Variants in ANO2 observed in about 807,000 individuals in gnomAD.
ANO2 encodes the protein anoctamin-2.
In ANO2, 101 loss-of-function variants were observed where a neutral mutation model predicts 124.2. The ratio of observed to expected loss-of-function variants is 0.81; its 90% CI spans 0.69 to 0.96. The LOEUF (loss-of-function observed/expected upper bound fraction) is 0.96. Among genes scored for constraint, ANO2 ranks in the 40% least tolerant of loss-of-function variants. ANO2 has a pLI of 0.00. For synonymous variants in ANO2, 486 were observed against 482.5 expected (o/e 1.01, Z -0.09); for missense variants, 1,293 against 1,274.5 (o/e 1.01, Z -0.22).
intron 3 of ANO2, among the ~76,000 whole-genome samples, chr12:5,869,883 T>C (rs12309811): frequency 0.049 from 7,457 of 152,178 alleles, 620 homozygotes; most frequent in African/African-American, 0.17. Flanking sequence ...TATAACTCGT[T>C]CTCAGGAAAC....
At chr12:5,568,136 CTTT>C (rs71445654) in intron 23 of ANO2, among the ~76,000 whole-genome samples, 7 of 112,752 alleles carry the variant, frequency 6.2e-5, no homozygotes, top group Admixed American at 9.5e-5. Flanking sequence ...CCACCCTATG[CTTT>C]TTTTTTTTTT....
intron 19 of ANO2, among the ~76,000 whole-genome samples, chr12:5,610,989 T>TTTGCTTTTTTTTTTGTTTTTTTA (rs1944520759): frequency 2.1e-5 from 3 of 141,582 alleles, no homozygotes; most frequent in South Asian, 2.1e-4. Flanking sequence ...TTTTTTTTTT[T>TTTGCTTTTTTTTTTGTTTTTTTA]GAGACAGAGT....
chr12:5,893,732 C>T (rs2136274597), intron 3 of ANO2, among the ~76,000 whole-genome samples: 1 of 151,598 alleles, frequency 6.6e-6, no homozygotes, highest in Non-Finnish European at 1.5e-5. Flanking sequence ...TGAGTGAGAA[C>T]ACGTGGTGTT....
chr12:5,715,830 T>C (rs1470623714), intron 14 of ANO2, among the ~76,000 whole-genome samples: 1 of 152,208 alleles, frequency 6.6e-6, no homozygotes, highest in East Asian at 1.9e-4. Flanking sequence ...ATCCACCTGA[T>C]ATAATGCTCC....
chr12:5,694,517 G>A (rs1031908697), intron 14 of ANO2, among the ~76,000 whole-genome samples: 1 of 152,100 alleles, frequency 6.6e-6, no homozygotes, highest in Admixed American at 6.6e-5. Context: ...AAGTTTCAAG[G>A]AACCAGATTT....
At chr12:5,663,791 C>T (rs918895361) in intron 14 of ANO2, among the ~76,000 whole-genome samples, 1 of 152,210 alleles carries the variant, frequency 6.6e-6, no homozygotes, top group African/African-American at 2.4e-5. Context: ...GGTTAAGATA[C>T]ACTGATAGGC....
intron 7 of ANO2, among the ~76,000 whole-genome samples, chr12:5,815,838 G>A (rs1006671569): frequency 6.6e-6 from 1 of 151,926 alleles, no homozygotes; most frequent in African/African-American, 2.4e-5. Context: ...GAACAAGGCA[G>A]GAATATAAAT....
At chr12:5,861,523 C>T (rs1955269718) in intron 3 of ANO2, among the ~76,000 whole-genome samples, 1 of 152,188 alleles carries the variant, frequency 6.6e-6, no homozygotes, top group African/African-American at 2.4e-5. Context: ...GAGCGGGAGG[C>T]AGCCCCAGCC....
At chr12:5,715,877 C>T (rs1591977650) in intron 14 of ANO2, among the ~76,000 whole-genome samples, 1 of 152,118 alleles carries the variant, frequency 6.6e-6, no homozygotes, top group Non-Finnish European at 1.5e-5. Context: ...AACATAAGCA[C>T]AAGTATGTTC....
intron 14 of ANO2, among the ~76,000 whole-genome samples, chr12:5,712,410 G>C (rs544601461): frequency 6.6e-6 from 1 of 152,186 alleles, no homozygotes; most frequent in South Asian, 2.1e-4. Context: ...GGGGAGAAGA[G>C]ACAGATACAG....
rs190539251 is a variant in ANO2 at position 5,747,599 on chromosome 12, C to T, written c.1190+3237G>A. Among the ~76,000 whole-genome samples the T allele has an allele frequency of 7.2e-5, 11 of 152,268 alleles. No individual in the cohort carries two copies. In the East Asian group the frequency reaches 1.4e-3, roughly 19 times the overall value. On this transcript the variant is annotated intron_variant, in intron 11 of 24. Coordinates refer to ENST00000682330, the MANE Select transcript of ANO2 (RefSeq NM_001364791.2). ...ACCTCAATTTTGTAGTAATTTTAAA[C>T]GTTTTTGACTGTGACCTACAGTTAA...
intron 14 of ANO2, among the ~76,000 whole-genome samples, chr12:5,689,407 G>A (rs1948840077): frequency 6.6e-6 from 1 of 152,112 alleles, no homozygotes; most frequent in African/African-American, 2.4e-5. Context: ...GGCTTTTTAT[G>A]GGAGGCATAA....
intron 14 of ANO2, among the ~76,000 whole-genome samples, chr12:5,662,494 G>A (rs1947496850): frequency 6.6e-6 from 1 of 152,172 alleles, no homozygotes. Context: ...CATGTGCTCT[G>A]GTCAGAAAAG....
intron 14 of ANO2, among the ~76,000 whole-genome samples, chr12:5,692,732 G>T (rs1948996826): frequency 6.6e-6 from 1 of 152,162 alleles, no homozygotes; most frequent in Admixed American, 6.5e-5. Flanking sequence ...AGCCTAGGTG[G>T]TCTGGAGGTG....
At chr12:5,841,830 G>A (rs912021891) in intron 4 of ANO2, among the ~76,000 whole-genome samples, 1 of 151,956 alleles carries the variant, frequency 6.6e-6, no homozygotes, top group African/African-American at 2.4e-5. Flanking sequence ...TCATAACCCA[G>A]TCTTTTTCTT....
chr12:5,756,287 T>C (rs954775619), intron 10 of ANO2, among the ~76,000 whole-genome samples: 1 of 152,110 alleles, frequency 6.6e-6, no homozygotes, highest in Non-Finnish European at 1.5e-5. Context: ...TAGCTGTCTG[T>C]TCTCTTGCAG....
intron 7 of ANO2, among the ~76,000 whole-genome samples, chr12:5,823,124 C>T (rs1953858593): frequency 6.6e-6 from 1 of 152,174 alleles, no homozygotes; most frequent in African/African-American, 2.4e-5. Flanking sequence ...CATATCATTC[C>T]ACCTCTGGCT....
chr12:5,677,916 G>A (rs993372221), intron 14 of ANO2, among the ~76,000 whole-genome samples: 5 of 152,154 alleles, frequency 3.3e-5, no homozygotes, highest in Admixed American at 1.3e-4. Context: ...AAAGGGACGA[G>A]CAGCAGAGTG....
intron 14 of ANO2, among the ~76,000 whole-genome samples, chr12:5,711,789 G>C (rs1207886943): frequency 6.6e-6 from 1 of 152,176 alleles, no homozygotes; most frequent in Non-Finnish European, 1.5e-5. Context: ...AGATTAACGA[G>C]TTTGGGTTCC....
Sources: allele counts gnomAD v4.1 joint callset (sites outside exome capture counted in the v4.1 genomes callset), GRCh38; gene constraint gnomAD v4.1.1; transcripts MANE v1.5; gene names NCBI Gene and HGNC (gene_info 2026-07-23, HGNC 2026-07-21).